Variants in SLC4A5 observed in about 807,000 individuals in gnomAD.
SLC4A5 encodes solute carrier family 4 member 5.
In SLC4A5, 96 loss-of-function variants were observed where a neutral mutation model predicts 120.4. The observed-to-expected ratio is 0.80, with a 90% CI of 0.68 to 0.94. SLC4A5 has a LOEUF of 0.94. Among genes scored for constraint, SLC4A5 ranks in the 40% least tolerant of loss-of-function variants. The pLI is 0.00. For synonymous variants in SLC4A5, 550 were observed against 571.1 expected (o/e 0.96, Z 0.53); for missense variants, 1,259 against 1,459.5 (o/e 0.86, Z 2.24).
intron 8 of SLC4A5, among the ~76,000 whole-genome samples, chr2:74,270,001 T>C (rs938461462): frequency 1.1e-4 from 17 of 152,278 alleles, no homozygotes; most frequent in South Asian, 6.2e-4. Context: ...ATTAACCCCA[T>C]AGACACACAG....
In SLC4A5 at chr2:74,227,121, G is replaced by A. The variant is rs1011284623; in HGVS notation, c.2926C>T (p.Arg976Cys). The A allele has an allele frequency of 5.6e-6, 9 of 1,611,488 alleles. 1 individual carries two copies. Among genetic ancestry groups the A allele is most frequent in the Admixed American group, 5.0e-5 (3 of 59,444 alleles). ...GCTGGCATCAGGAAGAGCTTGCAGC[G>A]TTCCCAGAACTAGGGGGACAGCGGG... Residue 976 changes from arginine to cysteine, a missense_variant, in exon 27 of 31, where the codon CGC becomes TGC. Physicochemically the swap from Arg to Cys is radical, Grantham distance 180. Transcript: ENST00000394019.
At chr2:74,275,021 C>T (rs931319844) in intron 8 of SLC4A5, among the ~76,000 whole-genome samples, 4 of 152,204 alleles carry the variant, frequency 2.6e-5, no homozygotes, top group African/African-American at 9.7e-5. Context: ...ACCCCACTTC[C>T]TCCCATGGCT....
intron 19 of SLC4A5, among the ~76,000 whole-genome samples, chr2:74,244,526 TTTC>T (rs996648264): frequency 7.9e-5 from 12 of 151,718 alleles, no homozygotes; most frequent in African/African-American, 2.7e-4. Flanking sequence ...TTTCTTTCTC[TTTC>T]TTTTTTCTCT....
rs369095925 is a variant in SLC4A5 at position 74,297,580 on chromosome 2, C to A, written c.271+6909G>T. 5.9e-5 allele frequency among the ~76,000 whole-genome samples: 9 copies of A among 152,338 alleles called. No homozygotes were observed. The East Asian group carries it at 9.6e-4, about 16-fold the overall frequency. On this transcript the variant is annotated intron_variant, in intron 7 of 30. Transcript: ENST00000394019. ...TTAGCAGCCTAGAAAAGTGGAAGTG[C>A]AACCACATTTCTAAAGCTGCTTCTA...
chr2:74,245,348 A>C (rs557848815), intron 19 of SLC4A5, among the ~76,000 whole-genome samples: 1 of 152,216 alleles, frequency 6.6e-6, no homozygotes, highest in South Asian at 2.1e-4. Flanking sequence ...AAATAAACAG[A>C]ATTTGGATTT....
At chr2:74,309,150 C>T (rs1483626433) in intron 6 of SLC4A5, among the ~76,000 whole-genome samples, 1 of 151,978 alleles carries the variant, frequency 6.6e-6, no homozygotes, top group Non-Finnish European at 1.5e-5. Context: ...AACTCCTGGG[C>T]TCAAACAATC....
chr2:74,219,456 T>A (rs1432241303), intron 30 of SLC4A5, among the ~76,000 whole-genome samples: 1 of 152,158 alleles, frequency 6.6e-6, no homozygotes, highest in Non-Finnish European at 1.5e-5. Flanking sequence ...AGATCATTGA[T>A]GCTTAGTCTT....
rs1670952621 is a variant in SLC4A5, at chr2:74,255,950, A to G, written c.868-18T>C. On this transcript the variant is annotated intron_variant, in intron 12 of 30. Transcript: ENST00000394019. This position sits in a 1 kb window ranked among gnomAD's most constrained non-coding sequence, Gnocchi z 4.0. ...TTTTTCCGCTGGACAGGGAGGGGAA[A>G]CGAGATAGCCAAGGAGACTCCCACC... The G allele has an allele frequency of 6.2e-7, 1 of 1,611,794 alleles. No individual in the cohort carries two copies. The highest frequency in any genetic ancestry group is 1.7e-5 in the Admixed American group (1 of 59,970).
rs200813769 is a variant in SLC4A5, at chr2:74,255,850, T to C, written c.950A>G (p.Gln317Arg). ...GAGGCGCACGAACGCGATGAATGGC[T>C]GGTCTAGGAAGTCCACCTCGCCCAC... is the stretch of plus-strand genomic sequence containing the variant. The change falls in exon 13 of 31, where the codon CAG (glutamine) becomes CGG (arginine). Residue 317 changes from glutamine (Q) to arginine (R), a missense_variant. By Grantham distance (43) the Gln-to-Arg change is conservative. Transcript: ENST00000394019. This position sits in a 1 kb window ranked among gnomAD's most constrained non-coding sequence, Gnocchi z 4.0. 6.2e-7 allele frequency: 1 copy of C among 1,614,204 alleles called. No individual in the cohort carries two copies. The highest frequency in any genetic ancestry group is 2.2e-5 in the East Asian group (1 of 44,874).
At chr2:74,221,867 G>T (rs1328737664) in intron 29 of SLC4A5, among the ~76,000 whole-genome samples, 1 of 152,172 alleles carries the variant, frequency 6.6e-6, no homozygotes. Flanking sequence ...TAGAAGCACG[G>T]GGCTCGGGAC....
At chr2:74,238,151 C>T (rs769572416) in intron 21 of SLC4A5, among the ~76,000 whole-genome samples, 12 of 151,684 alleles carry the variant, frequency 7.9e-5, no homozygotes, top group African/African-American at 2.4e-4. Flanking sequence ...TTAGCATTTA[C>T]GACGGTATAA....
chr2:74,234,025 G>T (rs999516410), intron 22 of SLC4A5, among the ~76,000 whole-genome samples: 3 of 151,972 alleles, frequency 2.0e-5, no homozygotes, highest in African/African-American at 7.3e-5. Flanking sequence ...TGCATGTTCA[G>T]AATGAGGAGA....
chr2:74,337,818 C>T (rs1673532940), intron 3 of SLC4A5, among the ~76,000 whole-genome samples: 2 of 152,206 alleles, frequency 1.3e-5, no homozygotes. Context: ...ATTAGTTGTG[C>T]TCCTTTCATT....
At chr2:74,237,715 C>G (rs75257258) in intron 21 of SLC4A5, among the ~76,000 whole-genome samples, 2 of 151,998 alleles carry the variant, frequency 1.3e-5, no homozygotes, top group Admixed American at 1.3e-4. Flanking sequence ...CCGAGTACCC[C>G]CCACCCCACG....
intron 6 of SLC4A5, among the ~76,000 whole-genome samples, chr2:74,310,047 A>C (rs989612933): frequency 2.0e-5 from 3 of 152,112 alleles, no homozygotes; most frequent in African/African-American, 7.2e-5. Flanking sequence ...ACATTTTGTT[A>C]GATTTATGTC....
chr2:74,256,046 C>T (rs2104009106), intron 12 of SLC4A5, 114 bp from the exon 13 acceptor site: 1 of 1,159,324 alleles, frequency 8.6e-7, no homozygotes. Flanking sequence ...CCAATGTTGC[C>T]AAGAGACTGA....
rs186908902 is a variant in SLC4A5, at chr2:74,332,960, C to G, written c.-70+1067G>C. ...TGCCAAGCCAGCCACTCAGCTGTGG[C>G]ACTGAAGTAAATGCTTGGGGGATAC... On this transcript the variant is annotated intron_variant, in intron 4 of 30. Transcript: ENST00000394019. Among the ~76,000 whole-genome samples, 501 of 152,322 alleles carry G rather than the reference C, an allele frequency of 3.3e-3. 2 individuals are homozygous for G. Among genetic ancestry groups the G allele is most frequent in the African/African-American group, 0.011 (477 of 41,574 alleles).
intron 17 of SLC4A5, among the ~76,000 whole-genome samples, chr2:74,249,564 A>T (rs915924125): frequency 6.6e-6 from 1 of 152,196 alleles, no homozygotes; most frequent in Admixed American, 6.5e-5. Flanking sequence ...TGAGGGCCAC[A>T]TGGGGCAGCT....
At chr2:74,289,059 C>T (rs1254683779) in intron 7 of SLC4A5, among the ~76,000 whole-genome samples, 1 of 152,228 alleles carries the variant, frequency 6.6e-6, no homozygotes, top group Non-Finnish European at 1.5e-5. Context: ...CTGCTCCTAT[C>T]ACTGCAATAG....
Sources: gnomAD v4.1 joint callset for allele counts (sites outside exome capture counted in the v4.1 genomes callset) on GRCh38, gnomAD v4.1.1 for gene constraint, Gnocchi (gnomAD v3.1) non-coding constraint, MANE v1.5 for transcripts, NCBI Gene and HGNC (gene_info 2026-07-23, HGNC 2026-07-21) for gene names.